The following AKR1E2 variants were observed in gnomAD, a reference collection of about 807,000 sequenced individuals.
AKR1E2 encodes the protein aldo-keto reductase family 1 member E2.
AKR1E2 carries 43 observed loss-of-function variants against 41.9 expected under a neutral mutation model. The ratio of observed to expected loss-of-function variants is 1.03; its 90% CI spans 0.80 to 1.32. The LOEUF is 1.32. AKR1E2 is among the 40% of genes most tolerant of loss of function. The pLI, the probability that AKR1E2 is intolerant of heterozygous loss-of-function variation, is 0.00. For synonymous variants in AKR1E2, 121 were observed against 138.9 expected (o/e 0.87, Z 0.91); for missense variants, 423 against 396.5 (o/e 1.07, Z -0.57).
chr10:4,825,694 G>A (rs1832424154), upstream of AKR1E2, among the ~76,000 whole-genome samples: 1 of 152,176 alleles, frequency 6.6e-6, no homozygotes, highest in Admixed American at 6.5e-5. Context: ...CGGGGCACCT[G>A]AGAATGGCCA....
intron 1 of AKR1E2, 108 bp downstream of exon 1, chr10:4,826,471 C>A: frequency 9.6e-7 from 1 of 1,037,692 alleles, no homozygotes; most frequent in Non-Finnish European, 1.2e-6. Flanking sequence ...GCGGCCTCCC[C>A]TCCGCCTGGC....
At chr10:4,841,240 TA>T (rs958693073) in intron 6 of AKR1E2, among the ~76,000 whole-genome samples, 1 of 152,150 alleles carries the variant, frequency 6.6e-6, no homozygotes, top group Non-Finnish European at 1.5e-5. Context: ...ACACACTCGT[TA>T]AAAAACTGAA....
chr10:4,847,332 CTTT>C (rs775619299), intron 9 of AKR1E2, 102 bp downstream of exon 9: 24 of 1,569,462 alleles, frequency 1.5e-5, no homozygotes, highest in Non-Finnish European at 2.0e-5. Context: ...ATTAATTAAA[CTTT>C]CTCATTATAA....
the AKR1E2 span, among the ~76,000 whole-genome samples, chr10:4,868,301 C>A: frequency 0.22 from 33,151 of 152,002 alleles, 3,833 homozygotes; most frequent in Middle Eastern, 0.33. Context: ...ATATGGCCAT[C>A]CTGAGTCTCT....
chr10:4,827,272 C>A (rs538248126), intron 1 of AKR1E2, among the ~76,000 whole-genome samples: 4 of 152,012 alleles, frequency 2.6e-5, no homozygotes, highest in Non-Finnish European at 4.4e-5. Flanking sequence ...TTAAATCAAG[C>A]TAATTAACAT....
chr10:4,846,697 C>T (rs1256998695), intron 8 of AKR1E2, among the ~76,000 whole-genome samples: 1 of 152,090 alleles, frequency 6.6e-6, no homozygotes, highest in African/African-American at 2.4e-5. Context: ...AGGCATATGC[C>T]ACCATGTCCG....
intron 6 of AKR1E2, among the ~76,000 whole-genome samples, chr10:4,840,245 C>T (rs1461342542): frequency 6.6e-6 from 1 of 152,204 alleles, no homozygotes; most frequent in African/African-American, 2.4e-5. Context: ...GCTAAGAGAC[C>T]TCCAGCCATT....
the AKR1E2 span, among the ~76,000 whole-genome samples, chr10:4,872,894 C>T: frequency 3.3e-5 from 5 of 152,104 alleles, no homozygotes; most frequent in Admixed American, 2.6e-4. Flanking sequence ...AAGGCATCAT[C>T]GAGTGATATA....
Position 4,847,614 on chromosome 10 carries a change from C to A in AKR1E2, c.*84C>A. 6.7e-7 allele frequency: 1 copy of A among 1,497,524 alleles called. No homozygotes were observed. Among genetic ancestry groups the A allele is most frequent in the Non-Finnish European group, 9.2e-7 (1 of 1,082,790 alleles). The allele number at this position is 1,497,524 out of a possible 1,614,324, so 92.8% of individuals were successfully genotyped here. On this transcript the variant is annotated 3_prime_UTR_variant, in exon 10 of 10. Coordinates refer to ENST00000298375, the MANE Select transcript of AKR1E2 (RefSeq NM_001040177.3). ...TTGACCCTCCTCTGTCATCACAGCG[C>A]CAGGGCAGCTGTGCCTGGGACAGGA...
At chr10:4,866,717 T>A in the AKR1E2 span, among the ~76,000 whole-genome samples, 1 of 144,826 alleles carries the variant, frequency 6.9e-6, no homozygotes, top group Non-Finnish European at 1.5e-5. Flanking sequence ...CTCGGCTCAC[T>A]GCAGGCTCCG....
the AKR1E2 span, among the ~76,000 whole-genome samples, chr10:4,866,768 G>A: frequency 6.6e-6 from 1 of 151,416 alleles, no homozygotes; most frequent in South Asian, 2.1e-4. Flanking sequence ...GTGGGGGGAA[G>A]CCAGTGAGCC....
rs763524330 is a variant in AKR1E2, at chr10:4,833,428, T to C, written c.286T>C (p.Leu96=). 2.5e-6 allele frequency: 4 copies of C among 1,614,198 alleles called. No individual in the cohort carries two copies. The highest frequency in any genetic ancestry group is 2.2e-5 in the South Asian group (2 of 91,090). ...KSLKALKLNY[L]DLYLIHWPMG... ...TCTCAAGGCCTTGAAGCTGAACTAT[T>C]TGGACCTCTACCTCATACACTGGCC... The change falls in exon 3 of 10, where the codon TTG becomes CTG. Residue 96 remains leucine, a synonymous_variant. Coordinates refer to ENST00000298375, the MANE Select transcript of AKR1E2 (RefSeq NM_001040177.3).
In AKR1E2 at chr10:4,836,372, G is replaced by C. The variant is rs371099366; in HGVS notation, c.459+563G>C. ...GTAAAGACTTGAGCAGGAAATTAAG[G>C]GGGTGGTGGATTTGAGAGGTTCCTG... On this transcript the variant is annotated intron_variant, in intron 4 of 9. Coordinates refer to ENST00000298375, the MANE Select transcript of AKR1E2 (RefSeq NM_001040177.3). Among the ~76,000 whole-genome samples, 102 of 152,284 alleles carry C rather than the reference G, an allele frequency of 6.7e-4. 1 individual carries two copies. In the East Asian group the frequency reaches 0.013, roughly 20 times the overall value.
chr10:4,826,378 G>C lies in AKR1E2; in HGVS notation c.39+15G>C, dbSNP rs865974202. On this transcript the variant is annotated intron_variant, in intron 1 of 9. Coordinates refer to ENST00000298375, the MANE Select transcript of AKR1E2 (RefSeq NM_001040177.3). The stretch of plus-strand genomic sequence containing the variant: ...GCTCCTGGAAGGTGACGCGGTCGCG[G>C]GCAGGGAGGCGCGCCTGACCTAGGG... The C allele has an allele frequency of 1.1e-5, 13 of 1,233,492 alleles. No homozygotes were observed. In the Middle Eastern group the frequency reaches 9.1e-4, roughly 87 times the overall value. The allele number at this position is 1,233,492 out of a possible 1,614,324, so 76.4% of individuals were successfully genotyped here. A position where few individuals can be genotyped will look rare whatever the true frequency, so the allele number is the denominator to read the frequency against.
the AKR1E2 span, among the ~76,000 whole-genome samples, chr10:4,856,807 T>A: frequency 6.6e-6 from 1 of 152,224 alleles, no homozygotes; most frequent in Non-Finnish European, 1.5e-5. Context: ...GTCCTGAGAC[T>A]TTTGTCATCC....
the AKR1E2 span, among the ~76,000 whole-genome samples, chr10:4,862,709 C>G: frequency 6.6e-6 from 1 of 152,018 alleles, no homozygotes; most frequent in East Asian, 1.9e-4. Flanking sequence ...AATGGGAGTT[C>G]ACTCATGATT....
chr10:4,854,097 T>TTTG, the AKR1E2 span, among the ~76,000 whole-genome samples: 14 of 121,198 alleles, frequency 1.2e-4, no homozygotes, highest in Admixed American at 8.5e-4. Flanking sequence ...TTTTTTTTTT[T>TTTG]TTTTTTTTTT....
intron 3 of AKR1E2, among the ~76,000 whole-genome samples, chr10:4,833,679 C>T (rs1833165522): frequency 6.6e-6 from 1 of 152,168 alleles, no homozygotes. Context: ...GAGGCCCCCA[C>T]AGGTCTGTCT....
the AKR1E2 span, among the ~76,000 whole-genome samples, chr10:4,853,154 A>T: frequency 6.6e-6 from 1 of 152,226 alleles, no homozygotes; most frequent in Non-Finnish European, 1.5e-5. Context: ...AACTCTCATA[A>T]TATATTCCCC....
Sources: gnomAD v4.1 joint callset for allele counts (sites outside exome capture counted in the v4.1 genomes callset) on GRCh38, gnomAD v4.1.1 for gene constraint, MANE v1.5 for transcripts, NCBI Gene and HGNC (gene_info 2026-07-23, HGNC 2026-07-21) for gene names.